HIBCH: variants seen among roughly 807,000 people sequenced by gnomAD.
The protein encoded by HIBCH is 3-hydroxyisobutyryl-CoA hydrolase, also known as 3-hydroxyisobutyryl-CoA hydrolase, mitochondrial.
HIBCH carries 50 observed loss-of-function variants against 58.2 expected under a neutral mutation model. That is an observed-to-expected ratio of 0.86 (90% CI 0.68 to 1.09). The LOEUF is 1.09. Among genes scored for constraint, HIBCH ranks in the 50% least tolerant of loss-of-function variants. The pLI, the probability that HIBCH is intolerant of heterozygous loss-of-function variation, is 0.00. For synonymous variants in HIBCH, 151 were observed against 146.9 expected, an observed-to-expected ratio of 1.03 and a Z score of -0.20; for missense variants, 450 against 449.7, an observed-to-expected ratio of 1.00 and a Z score of -0.01.
At chr2:190,223,240 G>A (rs183405389) in intron 11 of HIBCH, among the ~76,000 whole-genome samples, 541 of 152,224 alleles carry the variant, frequency 3.6e-3, no homozygotes, top group African/African-American at 0.012. Flanking sequence ...TGCACGTTCC[G>A]CACATGTAAC....
chr2:190,283,246 C>T (rs562630153), intron 6 of HIBCH, among the ~76,000 whole-genome samples: 4 of 152,262 alleles, frequency 2.6e-5, no homozygotes, highest in Admixed American at 6.5e-5. Flanking sequence ...CAACCTTTTT[C>T]GATTACCTGC....
chr2:190,294,594 T>C lies in HIBCH; in HGVS notation c.256A>G (p.Ile86Val). Residue 86 changes from isoleucine to valine, a missense_variant, in exon 4 of 14, where the codon ATA (isoleucine) becomes GTA (valine). Ile to Val is a conservative substitution (Grantham distance 29). Transcript: ENST00000359678. ...AAAGCCTTTCCTCCTGCTCCCTTTATAATGATCAGGAAAGTTTCAGGATCT... is the reference window on the plus strand; with the variant it reads ...AAAGCCTTTCCTCCTGCTCCCTTTACAATGATCAGGAAAGTTTCAGGATCT... Reference protein sequence around the residue: ...EQDPETFLIIIKGAGGKAFCA... With the variant: ...EQDPETFLIIVKGAGGKAFCA... 1.2e-6 allele frequency: 2 copies of C among 1,612,808 alleles called. No homozygotes were observed. Among genetic ancestry groups the C allele is most frequent in the Non-Finnish European group, 1.7e-6 (2 of 1,179,644 alleles).
intron 1 of HIBCH, among the ~76,000 whole-genome samples, chr2:190,313,643 CAA>C (rs546101154): frequency 6.3e-5 from 5 of 78,890 alleles, no homozygotes; most frequent in African/African-American, 2.5e-4. Context: ...CTCTGTCTCA[CAA>C]AAAAAAAAAA....
chr2:190,275,023 C>T (rs561561517), intron 6 of HIBCH, among the ~76,000 whole-genome samples: 31 of 152,292 alleles, frequency 2.0e-4, no homozygotes, highest in African/African-American at 7.5e-4. Context: ...GCCAAAGTGG[C>T]ATATTTAGGG....
chr2:190,201,836 C>T (rs573311692), downstream of HIBCH: 1 of 167,050 alleles, frequency 6.0e-6, no homozygotes, highest in East Asian at 1.9e-4. Flanking sequence ...GAAAGTTTCC[C>T]ATAAGTATAA....
intron 6 of HIBCH, among the ~76,000 whole-genome samples, chr2:190,271,973 T>C (rs927889606): frequency 1.3e-5 from 2 of 152,208 alleles, no homozygotes; most frequent in African/African-American, 4.8e-5. Context: ...CGTTCAACAC[T>C]GCATCGAACC....
rs183860432 is a variant in HIBCH, at chr2:190,210,862, A to G, written c.1012-1949T>C. Among the ~76,000 whole-genome samples, 36 of 152,274 alleles carry G rather than the reference A, an allele frequency of 2.4e-4. No individual in the cohort carries two copies. Among genetic ancestry groups the G allele is most frequent in the African/African-American group, 8.4e-4 (35 of 41,552 alleles). On this transcript the variant is annotated intron_variant, in intron 12 of 13. Coordinates refer to ENST00000359678, the MANE Select transcript of HIBCH (RefSeq NM_014362.4). This position sits in a 1 kb window ranked among gnomAD's most constrained non-coding sequence, Gnocchi z 5.5. ...ACTTCTTTCAGGAATTCACTCAAAG[A>G]ACATCTCAGTGAGGCCTTCTCTGGT... is the stretch of plus-strand genomic sequence containing the variant.
chr2:190,287,483 G>A (rs1687860296), intron 6 of HIBCH, 103 bp downstream of exon 6: 5 of 796,340 alleles, frequency 6.3e-6, no homozygotes, highest in East Asian at 5.3e-5. Flanking sequence ...GTTTCAATGA[G>A]TTCTATTATA....
chr2:190,238,369 T>C (rs376622210), intron 11 of HIBCH, among the ~76,000 whole-genome samples: 2 of 152,250 alleles, frequency 1.3e-5, no homozygotes, highest in East Asian at 3.8e-4. Flanking sequence ...CCATTCTAAC[T>C]GGTGTGAGAT....
At chr2:190,272,486 T>C (rs536851182) in intron 6 of HIBCH, among the ~76,000 whole-genome samples, 85 of 152,270 alleles carry the variant, frequency 5.6e-4, no homozygotes, top group African/African-American at 2.0e-3. Context: ...CAGAAACCTC[T>C]AGACCAAAAA....
At chr2:190,287,058 G>GTGCGTGTGTGTA (rs10662510) in intron 6 of HIBCH, among the ~76,000 whole-genome samples, 1 of 147,684 alleles carries the variant, frequency 6.8e-6, no homozygotes, top group African/African-American at 2.5e-5. Flanking sequence ...GTGTGTGTGT[G>GTGCGTGTGTGTA]TATACATATA....
intron 6 of HIBCH, among the ~76,000 whole-genome samples, chr2:190,278,593 C>T (rs1194977544): frequency 2.7e-5 from 4 of 148,500 alleles, no homozygotes; most frequent in South Asian, 4.4e-4. Context: ...AAAAAAGTCA[C>T]AGGAGACACA....
At chr2:190,208,939 G>A (rs1383783855) in intron 12 of HIBCH, 26 bp from the exon 13 acceptor site, 2 of 1,608,044 alleles carry the variant, frequency 1.2e-6, no homozygotes, top group African/African-American at 1.3e-5. Flanking sequence ...GATTAAATGG[G>A]GATAATTTCT....
Position 190,259,583 on chromosome 2 carries a change from A to C in HIBCH, c.517+1573T>G, listed in dbSNP as rs529984708. 2.0e-5 allele frequency among the ~76,000 whole-genome samples: 3 copies of C among 152,182 alleles called. 1 individual carries two copies. Among genetic ancestry groups the C allele is most frequent in the South Asian group, 4.2e-4 (2 of 4,806 alleles). ...CATACAGATTTTACCTACTTGGTTA[A>C]ATTTATTTCTAAGTATTTTATTCTT... On this transcript the variant is annotated intron_variant, in intron 7 of 13. Transcript: ENST00000359678.
Position 190,255,322 on chromosome 2 carries a change from G to A in HIBCH, c.518-3015C>T, listed in dbSNP as rs189907050. On this transcript the variant is annotated intron_variant, in intron 7 of 13. Transcript: ENST00000359678. ...CAGGCCAAGTTCATTCTTACCTAAG[G>A]GTCTTGAGCTAACTTTTCTTAATGC... is the stretch of plus-strand genomic sequence containing the variant. Among the ~76,000 whole-genome samples the A allele has an allele frequency of 1.8e-4, 27 of 152,220 alleles. No homozygotes were observed. The East Asian group carries it at 2.7e-3, about 15-fold the overall frequency.
chr2:190,273,878 T>C (rs1687474093), intron 6 of HIBCH, among the ~76,000 whole-genome samples: 1 of 152,124 alleles, frequency 6.6e-6, no homozygotes, highest in Admixed American at 6.5e-5. Context: ...GAGACAATCA[T>C]GGCTCACTGC....
At chr2:190,290,318 G>T in intron 5 of HIBCH, 87 bp downstream of exon 5, 1 of 872,108 alleles carries the variant, frequency 1.1e-6, no homozygotes. Flanking sequence ...AAGTAAGGAT[G>T]CCTATTGATT....
intron 6 of HIBCH, among the ~76,000 whole-genome samples, chr2:190,284,224 C>T (rs1687776624): frequency 6.6e-6 from 1 of 152,222 alleles, no homozygotes. Flanking sequence ...TGATCTGTTT[C>T]ACTGCAGTCT....
intron 11 of HIBCH, among the ~76,000 whole-genome samples, chr2:190,242,741 A>C (rs1686488368): frequency 6.6e-6 from 1 of 152,214 alleles, no homozygotes; most frequent in Non-Finnish European, 1.5e-5. Context: ...TGTGATTGTC[A>C]TAAATATTTC....
Sources: allele counts gnomAD v4.1 joint callset (sites outside exome capture counted in the v4.1 genomes callset), GRCh38; gene constraint gnomAD v4.1.1; non-coding constraint Gnocchi (gnomAD v3.1); transcripts MANE v1.5; gene names NCBI Gene and HGNC (gene_info 2026-07-23, HGNC 2026-07-21).